Variants in ATF6 observed in about 807,000 individuals in gnomAD.
ATF6 encodes the protein cyclic AMP-dependent transcription factor ATF-6 alpha.
ATF6 carries 53 observed loss-of-function variants against 83.6 expected under a neutral mutation model. That is an observed-to-expected ratio of 0.63 (90% CI 0.51 to 0.80). The LOEUF is 0.80. Among genes scored for constraint, ATF6 ranks in the 30% least tolerant of loss-of-function variants. The pLI is 0.00. For missense variants in ATF6, 744 were observed against 797.9 expected, an observed-to-expected ratio of 0.93 and a Z score of 0.81; for synonymous variants, 288 against 285.8, an observed-to-expected ratio of 1.01 and a Z score of -0.08.
At chr1:161,837,751 GTGT>G (rs1686258720) in intron 9 of ATF6, among the ~76,000 whole-genome samples, 1 of 152,120 alleles carries the variant, frequency 6.6e-6, no homozygotes, top group Admixed American at 6.6e-5. Flanking sequence ...TTGATACCAT[GTGT>G]GCTTGGGTAG....
At chr1:161,845,763 G>T in intron 9 of ATF6, among the ~76,000 whole-genome samples, 1 of 137,568 alleles carries the variant, frequency 7.3e-6, no homozygotes, top group Non-Finnish European at 1.5e-5. Context: ...GTGACAGAGT[G>T]AGACCCTGTC....
intron 6 of ATF6, among the ~76,000 whole-genome samples, chr1:161,800,522 A>G (rs2101752752): frequency 6.6e-6 from 1 of 152,300 alleles, no homozygotes; most frequent in South Asian, 2.1e-4. Flanking sequence ...ACAAATTCAC[A>G]CCTAAGAACT....
At chr1:161,802,358 GT>G in intron 7 of ATF6, 86 bp downstream of exon 7, 20 of 1,212,328 alleles carry the variant, frequency 1.6e-5, no homozygotes, top group Non-Finnish European at 2.0e-5. Context: ...CCTTGTTTTT[GT>G]TTTTTTTAGA....
intron 14 of ATF6, among the ~76,000 whole-genome samples, chr1:161,888,509 G>T (rs576358123): frequency 6.6e-6 from 1 of 152,124 alleles, no homozygotes; most frequent in South Asian, 2.1e-4. Flanking sequence ...ACCTCTTGGG[G>T]GAGGTTTAAT....
intron 15 of ATF6, among the ~76,000 whole-genome samples, chr1:161,921,941 A>G (rs1302840591): frequency 1.3e-5 from 2 of 152,190 alleles, no homozygotes; most frequent in Non-Finnish European, 2.9e-5. Flanking sequence ...AGAAATATAG[A>G]GTGGGAATCT....
chr1:161,853,005 T>G (rs1686668980), intron 11 of ATF6, among the ~76,000 whole-genome samples: 1 of 152,212 alleles, frequency 6.6e-6, no homozygotes, highest in Non-Finnish European at 1.5e-5. Context: ...GAAGTTTGAA[T>G]GCATGGTTGA....
At position 161,962,310 on chromosome 1, in the gene ATF6, A is replaced by G. The variant is rs1370181490; in HGVS notation, c.*3656A>G. Reference sequence around the variant, plus strand: ...CAAATTGATTTTTCAAATCATTTTTAAAGAGACATCATCCTGACTAAATCT... The same window carrying G: ...CAAATTGATTTTTCAAATCATTTTTGAAGAGACATCATCCTGACTAAATCT... On this transcript the variant is annotated 3_prime_UTR_variant, in exon 16 of 16. Transcript: ENST00000367942. The G allele has an allele frequency of 6.6e-6, 1 of 152,178 alleles. No homozygotes were observed. Among genetic ancestry groups the G allele is most frequent in the Non-Finnish European group, 1.5e-5 (1 of 68,038 alleles). The allele number at this position is 152,178 out of a possible 1,614,324, so 9.4% of individuals were successfully genotyped here. A position where few individuals can be genotyped will look rare whatever the true frequency, so the allele number is the denominator to read the frequency against.
At chr1:161,920,967 G>C (rs1237303747) in intron 15 of ATF6, among the ~76,000 whole-genome samples, 2 of 151,442 alleles carry the variant, frequency 1.3e-5, no homozygotes, top group Non-Finnish European at 2.9e-5. Context: ...AGTCTTTTTA[G>C]TAAGGATCCA....
chr1:161,809,864 T>C (rs887292434), intron 7 of ATF6, among the ~76,000 whole-genome samples: 1 of 152,154 alleles, frequency 6.6e-6, no homozygotes, highest in African/African-American at 2.4e-5. Context: ...TGTTCATATC[T>C]TTCGCCCACT....
intron 7 of ATF6, among the ~76,000 whole-genome samples, chr1:161,805,350 A>G (rs1685253198): frequency 6.6e-6 from 1 of 152,210 alleles, no homozygotes; most frequent in South Asian, 2.1e-4. Context: ...ATAAAGAAAG[A>G]TTCAAACACT....
intron 14 of ATF6, among the ~76,000 whole-genome samples, chr1:161,868,828 C>G (rs1051886645): frequency 1.3e-5 from 2 of 151,816 alleles, no homozygotes; most frequent in Non-Finnish European, 3.0e-5. Context: ...GTCTCTGAAT[C>G]TAAGCTGTAG....
chr1:161,898,473 A>G (rs1170716429), intron 14 of ATF6, among the ~76,000 whole-genome samples: 1 of 152,014 alleles, frequency 6.6e-6, no homozygotes, highest in Non-Finnish European at 1.5e-5. Flanking sequence ...TTAAATCCCC[A>G]TGATTTCATT....
intron 7 of ATF6, among the ~76,000 whole-genome samples, chr1:161,815,184 A>ATTTTTTT (rs34687938): frequency 2.2e-4 from 21 of 96,414 alleles, no homozygotes; most frequent in Non-Finnish European, 3.0e-4. Flanking sequence ...TCCCATTTTA[A>ATTTTTTT]TTTTTTTTTT....
rs116754276 is a variant in ATF6 at position 161,772,234 on chromosome 1, T to C, written c.82+5792T>C. 6.2e-3 allele frequency among the ~76,000 whole-genome samples: 941 copies of C among 152,330 alleles called. 8 individuals carry two copies. The highest frequency in any genetic ancestry group is 0.021 in the African/African-American group (879 of 41,578). On this transcript the variant is annotated intron_variant, in intron 1 of 15. Transcript: ENST00000367942. Reference sequence around the variant, plus strand: ...TTCATATTCATGTCTGTCTCTTTTCTGGTAGGTTTCTCTTGGATAAACCTA... The same window carrying C: ...TTCATATTCATGTCTGTCTCTTTTCCGGTAGGTTTCTCTTGGATAAACCTA...
intron 1 of ATF6, among the ~76,000 whole-genome samples, chr1:161,769,363 G>C (rs1485050080): frequency 6.6e-6 from 1 of 152,172 alleles, no homozygotes; most frequent in Non-Finnish European, 1.5e-5. Context: ...TCTTGCATTA[G>C]TGTGGTACAT....
At chr1:161,838,076 T>C (rs2055539) in intron 9 of ATF6, among the ~76,000 whole-genome samples, 137,396 of 152,244 alleles carry the variant, frequency 0.9, 62,159 homozygotes, top group African/African-American at 0.96. Context: ...AGTTAGGACT[T>C]TAGTAACTCT....
intron 12 of ATF6, among the ~76,000 whole-genome samples, chr1:161,858,219 A>G (rs770707024): frequency 1.1e-4 from 16 of 152,210 alleles, no homozygotes; most frequent in Non-Finnish European, 2.1e-4. Flanking sequence ...ACACATAAAG[A>G]ACAAATAGAA....
At chr1:161,825,338 G>T (rs1571164405) in intron 9 of ATF6, among the ~76,000 whole-genome samples, 1 of 152,124 alleles carries the variant, frequency 6.6e-6, no homozygotes, top group Non-Finnish European at 1.5e-5. Flanking sequence ...CATTATATCT[G>T]GCCAATTTAA....
intron 10 of ATF6, among the ~76,000 whole-genome samples, chr1:161,847,065 A>T (rs865870606): frequency 2.6e-5 from 4 of 152,168 alleles, no homozygotes; most frequent in Admixed American, 6.6e-5. Context: ...GACTTGATAA[A>T]TTTCCATATT....
Sources: gnomAD v4.1 joint callset for allele counts (sites outside exome capture counted in the v4.1 genomes callset) on GRCh38, gnomAD v4.1.1 for gene constraint, MANE v1.5 for transcripts, NCBI Gene and HGNC (gene_info 2026-07-23, HGNC 2026-07-21) for gene names.